Variants in FAM161A observed in about 807,000 individuals in gnomAD.
FAM161A encodes the protein FAM161 centrosomal protein A, also known as protein FAM161A.
FAM161A carries 57 observed loss-of-function variants against 70.9 expected under a neutral mutation model. The ratio of observed to expected loss-of-function variants is 0.80; its 90% CI spans 0.65 to 1.00. The LOEUF (loss-of-function observed/expected upper bound fraction) is 1.00. Ranked by LOEUF, FAM161A falls within the 50% of genes least tolerant of loss-of-function variation. The pLI is 0.00. For synonymous variants in FAM161A, 299 were observed against 295.7 expected (o/e 1.01, Z -0.12); for missense variants, 880 against 836.0 (o/e 1.05, Z -0.65).
At chr2:61,852,938 C>CTTTTTTTTTTTTT in intron 1 of FAM161A, among the ~76,000 whole-genome samples, 1 of 66,446 alleles carries the variant, frequency 1.5e-5, no homozygotes, top group Non-Finnish European at 3.0e-5. Context: ...AGATTCCCAT[C>CTTTTTTTTTTTTT]TTTTTTTTTT....
At chr2:61,836,828 C>G in intron 4 of FAM161A, 1 of 239,486 alleles carries the variant, frequency 4.2e-6, no homozygotes, top group Non-Finnish European at 9.2e-6. Context: ...CCTGTCTTGG[C>G]CTCTCAAAGT....
In FAM161A at chr2:61,853,952, G is replaced by C; in HGVS notation, c.90C>G (p.Tyr30Ter). The change falls in exon 1 of 7, where the codon TAC (tyrosine) becomes TAG (stop). Residue 30 changes from tyrosine to a stop codon, truncating the protein, a stop_gained. Coordinates refer to ENST00000404929, the MANE Select transcript of FAM161A (RefSeq NM_001201543.2). LOFTEE classifies it high-confidence loss of function. The stretch of plus-strand genomic sequence containing the variant: ...GGGCCTTTAAGGGGTCTTCGCGTTC[G>C]TACTGGGCGACCCGCGCTCCAGTGA... ...NPITGARVAQ[Y>*]EREDPLKALA... is the part of the protein sequence containing the mutation. The C allele has an allele frequency of 1.2e-6, 2 of 1,613,912 alleles. No individual in the cohort carries two copies. The highest frequency in any genetic ancestry group is 1.7e-6 in the Non-Finnish European group (2 of 1,179,836).
At chr2:61,829,852 C>G (rs930462117) in intron 5 of FAM161A, among the ~76,000 whole-genome samples, 3 of 152,122 alleles carry the variant, frequency 2.0e-5, no homozygotes, top group African/African-American at 4.8e-5. Context: ...AATCACTCAG[C>G]AGCAGCGAGA....
rs6748320 is a variant in FAM161A, at chr2:61,826,155, A to G, written c.*300T>C. ...TTTTTCCAGTAAAATTAATGAAATA[A>G]TGTATATTTTTATAACTAATCAGTT... On this transcript the variant is annotated 3_prime_UTR_variant, in exon 7 of 7. Coordinates refer to ENST00000404929, the MANE Select transcript of FAM161A (RefSeq NM_001201543.2). 205,682 of 531,014 alleles carry G rather than the reference A, an allele frequency of 0.39. 42,304 individuals carry two copies. The highest frequency in any genetic ancestry group is 0.68 in the East Asian group (14,044 of 20,700). The allele number at this position is 531,014 out of a possible 1,614,324, so 32.9% of individuals were successfully genotyped here. A position where few individuals can be genotyped will look rare whatever the true frequency, so the allele number is the denominator to read the frequency against.
At chr2:61,806,883 G>A in the FAM161A span, among the ~76,000 whole-genome samples, 4 of 151,530 alleles carry the variant, frequency 2.6e-5, no homozygotes, top group East Asian at 1.9e-4. Flanking sequence ...TAGTAGAGAC[G>A]GGGTTTCACC....
the FAM161A span, among the ~76,000 whole-genome samples, chr2:61,800,476 T>C: frequency 6.6e-6 from 1 of 152,220 alleles, no homozygotes; most frequent in African/African-American, 2.4e-5. Flanking sequence ...AGATTGTTGC[T>C]TTCATCTTCA....
chr2:61,832,287 C>A (rs189207649), intron 5 of FAM161A, among the ~76,000 whole-genome samples: 26 of 147,096 alleles, frequency 1.8e-4, no homozygotes, highest in African/African-American at 6.2e-4. Flanking sequence ...AAAAAACCAA[C>A]AACAACAAAA....
the FAM161A span, among the ~76,000 whole-genome samples, chr2:61,808,395 C>T: frequency 6.6e-6 from 1 of 151,930 alleles, no homozygotes; most frequent in African/African-American, 2.4e-5. Context: ...GCATCTGCCT[C>T]CCAAGTAGCT....
intron 3 of FAM161A, 125 bp downstream of exon 3, chr2:61,839,295 TA>T: frequency 1.2e-6 from 1 of 813,322 alleles, no homozygotes; most frequent in Non-Finnish European, 2.0e-6. Flanking sequence ...TATTATATAG[TA>T]AAATATCTTA....
chr2:61,802,131 T>C, the FAM161A span, among the ~76,000 whole-genome samples: 1 of 152,196 alleles, frequency 6.6e-6, no homozygotes, highest in Non-Finnish European at 1.5e-5. Context: ...TTATAGCACA[T>C]TCCCTAAAAA....
intron 5 of FAM161A, among the ~76,000 whole-genome samples, chr2:61,830,499 G>C (rs1224808891): frequency 6.6e-6 from 1 of 151,740 alleles, no homozygotes; most frequent in African/African-American, 2.4e-5. Flanking sequence ...CGGCCAACAT[G>C]GTGAAATCCC....
chr2:61,806,183 A>C, the FAM161A span, among the ~76,000 whole-genome samples: 1 of 152,206 alleles, frequency 6.6e-6, no homozygotes, highest in African/African-American at 2.4e-5. Context: ...GCACTACTGC[A>C]CTCAAGCCTG....
chr2:61,838,840 C>G, intron 3 of FAM161A, 135 bp from the exon 4 acceptor site: 2 of 376,426 alleles, frequency 5.3e-6, no homozygotes, highest in Non-Finnish European at 9.1e-6. Context: ...AGGATCTGAC[C>G]TGTAAAACTA....
intron 1 of FAM161A, among the ~76,000 whole-genome samples, chr2:61,848,067 A>G (rs1235325755): frequency 1.3e-5 from 2 of 152,226 alleles, no homozygotes; most frequent in African/African-American, 2.4e-5. Flanking sequence ...GGGTATTTCA[A>G]AGAACTGTTT....
the FAM161A span, among the ~76,000 whole-genome samples, chr2:61,800,434 C>T: frequency 6.6e-6 from 1 of 152,124 alleles, no homozygotes; most frequent in South Asian, 2.1e-4. Context: ...CTCTAGGGAC[C>T]CAGGTTCCTC....
At chr2:61,832,639 G>A (rs775693099) in intron 5 of FAM161A, among the ~76,000 whole-genome samples, 1 of 152,210 alleles carries the variant, frequency 6.6e-6, no homozygotes, top group Non-Finnish European at 1.5e-5. Context: ...TGAGCAGTGG[G>A]AGGGCGAGCA....
the FAM161A span, among the ~76,000 whole-genome samples, chr2:61,819,325 G>A: frequency 6.6e-6 from 1 of 152,128 alleles, no homozygotes; most frequent in Admixed American, 6.6e-5. Flanking sequence ...GCCGGGCATG[G>A]TGGTGGCGCA....
rs757001860 is a variant in FAM161A, at chr2:61,839,419, A to G, written c.1583+2T>C. 1 of 1,614,058 alleles carries G rather than the reference A, an allele frequency of 6.2e-7. No homozygotes were observed. Among genetic ancestry groups the G allele is most frequent in the Non-Finnish European group, 8.5e-7 (1 of 1,179,992 alleles). On this transcript the variant is annotated splice_donor_variant, in intron 3 of 6. Coordinates refer to ENST00000404929, the MANE Select transcript of FAM161A (RefSeq NM_001201543.2). LOFTEE classifies it high-confidence loss of function. ...AGTCAGTACTGCGTCCTACTTACTT[A>G]CCTTACGGCTTGTTCTCGTCCTCTG...
chr2:61,804,155 T>A, the FAM161A span, among the ~76,000 whole-genome samples: 2 of 152,192 alleles, frequency 1.3e-5, no homozygotes, highest in Non-Finnish European at 2.9e-5. Context: ...ATGGCATTTG[T>A]AAACTGTCAT....
Sources: allele counts gnomAD v4.1 joint callset (sites outside exome capture counted in the v4.1 genomes callset), GRCh38; gene constraint gnomAD v4.1.1; transcripts MANE v1.5; gene names NCBI Gene and HGNC (gene_info 2026-07-23, HGNC 2026-07-21).